ANAPC15: variants seen among roughly 807,000 people sequenced by gnomAD.
The protein encoded by ANAPC15 is anaphase-promoting complex subunit 15.
In ANAPC15, 13 loss-of-function variants were observed where a neutral mutation model predicts 19.8. The ratio of observed to expected loss-of-function variants is 0.66; its 90% CI spans 0.43 to 1.04. The LOEUF is 1.04. ANAPC15 is among the 50% of genes least tolerant of loss of function. ANAPC15 has a pLI of 0.00. For missense variants in ANAPC15, 88 were observed against 150.3 expected (o/e 0.59, Z 2.17); for synonymous variants, 45 against 50.7 (o/e 0.89, Z 0.47).
chr11:72,111,398 G>C lies in ANAPC15; in HGVS notation c.-11+14C>G. Reference sequence around the variant, plus strand: ...AGCAGGAAAGCAGCCCCTCCCCCTAGGAATCAGACAGACCTGGCTTTGAGT... The same window carrying C: ...AGCAGGAAAGCAGCCCCTCCCCCTACGAATCAGACAGACCTGGCTTTGAGT... On this transcript the variant is annotated intron_variant, in intron 2 of 5. Coordinates refer to ENST00000227618, the MANE Select transcript of ANAPC15 (RefSeq NM_014042.3). 1 of 802,754 alleles carries C rather than the reference G, an allele frequency of 1.2e-6. No homozygotes were observed. Among genetic ancestry groups the C allele is most frequent in the Non-Finnish European group, 2.1e-6 (1 of 480,534 alleles). 49.7% of individuals were successfully genotyped at this position (802,754 alleles called of 1,614,324 possible). A position where few individuals can be genotyped will look rare whatever the true frequency, so the allele number is the denominator to read the frequency against.
Position 72,110,548 on chromosome 11 carries a change from G to A in ANAPC15, c.176C>T (p.Ser59Leu), listed in dbSNP as rs1400484644. 6.2e-7 allele frequency: 1 copy of A among 1,614,118 alleles called. No individual in the cohort carries two copies. Among genetic ancestry groups the A allele is most frequent in the African/African-American group, 1.3e-5 (1 of 74,938 alleles). The change falls in exon 4 of 6, where the codon TCA becomes TTA. Residue 59 changes from serine to leucine, a missense_variant. Coordinates refer to ENST00000227618, the MANE Select transcript of ANAPC15 (RefSeq NM_014042.3). ...NNLVPIGKPA[S>L]EHYDDEEEED... Reference sequence around the variant, plus strand: ...CCACCTGCTAGAGCCACTCACCTCTGAGGCTGGCTTGCCAATAGGAACCAG... The same window carrying A: ...CCACCTGCTAGAGCCACTCACCTCTAAGGCTGGCTTGCCAATAGGAACCAG...
chr11:72,108,540 G>A (rs1313531035), downstream of ANAPC15: 6 of 1,379,394 alleles, frequency 4.3e-6, no homozygotes, highest in South Asian at 1.6e-5. Flanking sequence ...GCCAGATCCT[G>A]GTGGGGTCTT....
Position 72,112,662 on chromosome 11 carries a change from C to A in ANAPC15, c.-108G>T, listed in dbSNP as rs1359656041. On this transcript the variant is annotated 5_prime_UTR_variant, in exon 1 of 6. Transcript: ENST00000227618. Reference sequence around the variant, plus strand: ...CGTCTGTACTTACCGCGCCGGGAGGCTGCTGCCGGCGGCGACCCGGAAGCG... The same window carrying A: ...CGTCTGTACTTACCGCGCCGGGAGGATGCTGCCGGCGGCGACCCGGAAGCG... 6.6e-6 allele frequency: 3 copies of A among 456,576 alleles called. No homozygotes were observed. The highest frequency in any genetic ancestry group is 4.7e-5 in the Admixed American group (2 of 42,560). 28.3% of individuals were successfully genotyped at this position (456,576 alleles called of 1,614,324 possible). A position where few individuals can be genotyped will look rare whatever the true frequency, so the allele number is the denominator to read the frequency against.
downstream of ANAPC15, chr11:72,106,552 A>T (rs1945707986): frequency 5.2e-6 from 1 of 190,530 alleles, no homozygotes; most frequent in Non-Finnish European, 1.1e-5. Context: ...CTGTCTCCAC[A>T]TCTTTCCTCT....
chr11:72,110,915 A>C (rs533733510), intron 3 of ANAPC15: 25 of 577,896 alleles, frequency 4.3e-5, no homozygotes, highest in Non-Finnish European at 7.6e-5. Flanking sequence ...TTTAGGGAAA[A>C]GAGCTTGGGC....
intron 1 of ANAPC15, chr11:72,112,409 G>C (rs1230837849): frequency 1.6e-5 from 4 of 253,664 alleles, no homozygotes; most frequent in Non-Finnish European, 3.3e-5. Flanking sequence ...GCGGGGCCTG[G>C]GTAGGACCAA....
At chr11:72,107,019 A>G (rs1945756435), downstream of ANAPC15, 1 of 175,352 alleles carries the variant, frequency 5.7e-6, no homozygotes, top group African/African-American at 2.4e-5. Flanking sequence ...TAATCCCAGC[A>G]CTTTGGGAGG....
downstream of ANAPC15, chr11:72,108,699 G>A (rs372524977): frequency 8.0e-5 from 123 of 1,546,972 alleles, no homozygotes; most frequent in African/African-American, 8.6e-4. Flanking sequence ...CTGGCACACC[G>A]GCCACGATGT....
chr11:72,109,871 C>G lies in ANAPC15; in HGVS notation c.*10G>C, dbSNP rs535999979. ...CTGGAATCTCCCTGAGGCCACCCTGCCTTGTCTACCTAGATCATCCACTGG... is the reference window on the plus strand; with the variant it reads ...CTGGAATCTCCCTGAGGCCACCCTGGCTTGTCTACCTAGATCATCCACTGG... On this transcript the variant is annotated 3_prime_UTR_variant, in exon 6 of 6. Coordinates refer to ENST00000227618, the MANE Select transcript of ANAPC15 (RefSeq NM_014042.3). The G allele has an allele frequency of 6.2e-7, 1 of 1,613,380 alleles. No homozygotes were observed. The highest frequency in any genetic ancestry group is 1.1e-5 in the South Asian group (1 of 91,030).
At chr11:72,110,311 C>G in intron 4 of ANAPC15, 86 bp from the exon 5 acceptor site, 9 of 1,596,426 alleles carry the variant, frequency 5.6e-6, no homozygotes, top group Non-Finnish European at 7.7e-6. Flanking sequence ...TCTCTAGGGC[C>G]AATGAATGAC....
At chr11:72,107,580 C>T (rs1945806455), downstream of ANAPC15, 1 of 699,720 alleles carries the variant, frequency 1.4e-6, no homozygotes, top group Non-Finnish European at 2.6e-6. Flanking sequence ...ATACAGGCCA[C>T]AGGTGGGAAG....
downstream of ANAPC15, chr11:72,108,928 TCCAGGC>T (rs1373334730): frequency 2.6e-6 from 4 of 1,520,748 alleles, no homozygotes; most frequent in Non-Finnish European, 3.5e-6. Flanking sequence ...CAGGCTGAGG[TCCAGGC>T]CCAGGGGTAC....
downstream of ANAPC15, chr11:72,106,376 T>C (rs550941923): frequency 5.8e-5 from 41 of 712,258 alleles, no homozygotes; most frequent in Non-Finnish European, 8.4e-5. Context: ...AAGTCATTTA[T>C]TCAGCAAACA....
At chr11:72,109,081 A>G (rs571179861), downstream of ANAPC15, 2 of 646,488 alleles carry the variant, frequency 3.1e-6, no homozygotes, top group Admixed American at 3.0e-5. Context: ...CAGCCTCTAC[A>G]CTGACCTCAA....
At chr11:72,108,250 G>A (rs929125574), downstream of ANAPC15, 2 of 776,098 alleles carry the variant, frequency 2.6e-6, no homozygotes, top group Non-Finnish European at 3.9e-6. Flanking sequence ...TGGATGGTGT[G>A]TGAGCTCCTG....
rs1476223478 is a variant in ANAPC15, at chr11:72,109,697, A to C, written c.*184T>G. Reference sequence around the variant, plus strand: ...TAGGTTTCAGGCCCTGGGGATTTCAAGTGCAGACTGATGGCCTGGGAGGGG... The same window carrying C: ...TAGGTTTCAGGCCCTGGGGATTTCACGTGCAGACTGATGGCCTGGGAGGGG... On this transcript the variant is annotated 3_prime_UTR_variant, in exon 6 of 6. Coordinates refer to ENST00000227618, the MANE Select transcript of ANAPC15 (RefSeq NM_014042.3). The C allele has an allele frequency of 6.0e-5, 41 of 682,772 alleles. No homozygotes were observed. In the Middle Eastern group the frequency reaches 1.6e-3, roughly 27 times the overall value. 42.3% of individuals were successfully genotyped at this position (682,772 alleles called of 1,614,324 possible). A position where few individuals can be genotyped will look rare whatever the true frequency, so the allele number is the denominator to read the frequency against.
chr11:72,108,016 G>A (rs373795090), downstream of ANAPC15: 44 of 1,551,568 alleles, frequency 2.8e-5, no homozygotes, highest in South Asian at 1.9e-4. Context: ...CTTATTGCCC[G>A]AGCCCTGCCC....
intron 5 of ANAPC15, 50 bp downstream of exon 5, chr11:72,110,038 C>A (rs2135239882): frequency 1.9e-6 from 3 of 1,614,080 alleles, no homozygotes; most frequent in Non-Finnish European, 2.5e-6. Flanking sequence ...TCAACTGGGT[C>A]AGGAGCAAGG....
intron 3 of ANAPC15, 52 bp from the exon 4 acceptor site, chr11:72,110,655 AG>A (rs1946559174): frequency 6.2e-7 from 1 of 1,608,926 alleles, no homozygotes; most frequent in South Asian, 1.1e-5. Flanking sequence ...AGGGCAGGTC[AG>A]GGGCATGGGA....
Sources: allele counts gnomAD v4.1 joint callset, GRCh38; gene constraint gnomAD v4.1.1; transcripts MANE v1.5; gene names NCBI Gene and HGNC (gene_info 2026-07-23, HGNC 2026-07-21).